GPR158: variants seen among roughly 807,000 people sequenced by gnomAD.
The protein encoded by GPR158 is metabotropic glycine receptor.
Under a neutral mutation model 78.2 loss-of-function variants are expected in GPR158, and 30 were observed. The ratio of observed to expected loss-of-function variants is 0.38; its 90% CI spans 0.29 to 0.52. The LOEUF is 0.52. GPR158 is among the 20% of genes least tolerant of loss of function. The pLI, the probability that GPR158 is intolerant of heterozygous loss-of-function variation, is 0.83. For synonymous variants in GPR158, 581 were observed against 591.1 expected (o/e 0.98, Z 0.25); for missense variants, 1,463 against 1,523.5 (o/e 0.96, Z 0.66).
chr10:25,479,900 T>C lies in GPR158; in HGVS notation c.1404+13181T>C, dbSNP rs539073659. Among the ~76,000 whole-genome samples the C allele has an allele frequency of 2.0e-5, 3 of 152,252 alleles. No homozygotes were observed. In the South Asian group the frequency reaches 6.2e-4, roughly 32 times the overall value. ...ATTTATATATCTTTGTCCTTTCCCA[T>C]TTTATTTTGTGTGGTTTCCTCAAGT... On this transcript the variant is annotated intron_variant, in intron 5 of 10. Coordinates refer to ENST00000376351, the MANE Select transcript of GPR158 (RefSeq NM_020752.3).
chr10:25,241,127 TTCTTTCTTTCTTTCTTTC>T (rs1242121247), intron 2 of GPR158, among the ~76,000 whole-genome samples: 10 of 22,424 alleles, frequency 4.5e-4, no homozygotes, highest in Non-Finnish European at 9.5e-4. Context: ...TACTTTGATT[TTCTTTCTTTCTTTCTTTC>T]TTTCTTTCTT....
chr10:25,452,587 G>A (rs913075023), intron 4 of GPR158, among the ~76,000 whole-genome samples: 4 of 152,104 alleles, frequency 2.6e-5, no homozygotes, highest in Non-Finnish European at 5.9e-5. Flanking sequence ...AATAGATAAA[G>A]GGAAGCAAAT....
intron 5 of GPR158, among the ~76,000 whole-genome samples, chr10:25,469,035 C>T (rs983139656): frequency 1.3e-5 from 2 of 152,106 alleles, no homozygotes; most frequent in East Asian, 1.9e-4. Context: ...GTACGGCTGC[C>T]GGGACATCAG....
rs191728666 is a variant in GPR158, at chr10:25,327,037, G to C, written c.1009-68874G>C. Among the ~76,000 whole-genome samples the C allele has an allele frequency of 3.3e-3, 505 of 152,228 alleles. 3 individuals carry two copies. The highest frequency in any genetic ancestry group is 0.011 in the African/African-American group (466 of 41,530). Reference sequence around the variant, plus strand: ...TGACTTACTGTATTTCTAATTTACAGTGGGTTGATCAGCATGTAACCTCAT... The same window carrying C: ...TGACTTACTGTATTTCTAATTTACACTGGGTTGATCAGCATGTAACCTCAT... On this transcript the variant is annotated intron_variant, in intron 2 of 10. Transcript: ENST00000376351.
intron 5 of GPR158, among the ~76,000 whole-genome samples, chr10:25,478,533 GAA>G (rs1835620455): frequency 6.6e-6 from 1 of 150,720 alleles, no homozygotes; most frequent in Non-Finnish European, 1.5e-5. Context: ...TGTGTAGAGA[GAA>G]GAGAAAGAAA....
intron 2 of GPR158, among the ~76,000 whole-genome samples, chr10:25,346,565 A>G (rs1160052822): frequency 6.6e-6 from 1 of 151,920 alleles, no homozygotes; most frequent in Non-Finnish European, 1.5e-5. Context: ...TATGTTCCTT[A>G]TAGATTTTCT....
At chr10:25,250,380 T>C (rs1250598246) in intron 2 of GPR158, among the ~76,000 whole-genome samples, 2 of 139,398 alleles carry the variant, frequency 1.4e-5, no homozygotes, top group African/African-American at 2.7e-5. Flanking sequence ...GCTCTTGCTT[T>C]TCTAGTTCTT....
At chr10:25,278,668 G>A (rs1311048632) in intron 2 of GPR158, among the ~76,000 whole-genome samples, 1 of 151,664 alleles carries the variant, frequency 6.6e-6, no homozygotes, top group Non-Finnish European at 1.5e-5. Flanking sequence ...AGTAGACTGA[G>A]TGAAAAATAT....
chr10:25,489,867 GA>G (rs1447478128), intron 5 of GPR158, among the ~76,000 whole-genome samples: 54 of 152,170 alleles, frequency 3.5e-4, no homozygotes, highest in African/African-American at 1.2e-3. Flanking sequence ...ATACAAATTA[GA>G]AATATAAATG....
At position 25,452,140 on chromosome 10, in the gene GPR158, C is replaced by T. The variant is rs142469276; in HGVS notation, c.1336-14511C>T. ...GCAGACTCAACCTCCTGGGCTCAAG[C>T]GATCCTCCCACCTCAGCCTTCCTGG... On this transcript the variant is annotated intron_variant, in intron 4 of 10. Coordinates refer to ENST00000376351, the MANE Select transcript of GPR158 (RefSeq NM_020752.3). Among the ~76,000 whole-genome samples the T allele has an allele frequency of 7.3e-3, 1,108 of 152,092 alleles. 13 individuals carry two copies. The highest frequency in any genetic ancestry group is 0.025 in the African/African-American group (1,052 of 41,488).
chr10:25,189,862 GTGTGTGTGTGTA>G (rs1852748760), intron 1 of GPR158, among the ~76,000 whole-genome samples: 1 of 150,440 alleles, frequency 6.6e-6, no homozygotes, highest in Non-Finnish European at 1.5e-5. Flanking sequence ...GTGTGTGTGT[GTGTGTGTGTGTA>G]TGTGTATGTA....
intron 5 of GPR158, among the ~76,000 whole-genome samples, chr10:25,468,869 T>A (rs1835457945): frequency 6.6e-6 from 1 of 152,158 alleles, no homozygotes; most frequent in African/African-American, 2.4e-5. Context: ...AGAGATGAGT[T>A]AATGCAAACA....
At chr10:25,336,557 G>T (rs1278367808) in intron 2 of GPR158, among the ~76,000 whole-genome samples, 1 of 151,988 alleles carries the variant, frequency 6.6e-6, no homozygotes, top group Non-Finnish European at 1.5e-5. Flanking sequence ...TCCATAATTG[G>T]TTTAACCAAG....
intron 5 of GPR158, among the ~76,000 whole-genome samples, chr10:25,516,092 G>T (rs1836168049): frequency 6.6e-6 from 1 of 151,822 alleles, no homozygotes; most frequent in African/African-American, 2.4e-5. Context: ...TCTCATAGTG[G>T]TTTTGATTTG....
intron 10 of GPR158, 101 bp from the exon 11 acceptor site, chr10:25,597,671 A>G (rs566388508): frequency 1.2e-5 from 11 of 915,486 alleles, no homozygotes; most frequent in Non-Finnish European, 1.6e-5. Flanking sequence ...AGTTGCCCCA[A>G]ATTAGAGCCC....
intron 1 of GPR158, among the ~76,000 whole-genome samples, chr10:25,212,462 T>C (rs553475423): frequency 9.9e-5 from 15 of 151,960 alleles, no homozygotes; most frequent in East Asian, 1.9e-4. Context: ...ACCTCCAACA[T>C]TGGGGATTAC....
chr10:25,561,976 T>G (rs1836866651), intron 6 of GPR158, among the ~76,000 whole-genome samples: 1 of 151,020 alleles, frequency 6.6e-6, no homozygotes, highest in Non-Finnish European at 1.5e-5. Context: ...GAAGATACCC[T>G]GGGGCTATAA....
chr10:25,394,841 A>G (rs2130527242), intron 2 of GPR158, among the ~76,000 whole-genome samples: 1 of 152,268 alleles, frequency 6.6e-6, no homozygotes, highest in East Asian at 1.9e-4. Context: ...TCCTAATGCT[A>G]ATCATTTAAG....
chr10:25,290,157 A>T (rs1346472674), intron 2 of GPR158, among the ~76,000 whole-genome samples: 1 of 152,224 alleles, frequency 6.6e-6, no homozygotes, highest in Non-Finnish European at 1.5e-5. Flanking sequence ...AGGCAGGCCA[A>T]GAGATAGGAA....
Sources: allele counts gnomAD v4.1 joint callset (sites outside exome capture counted in the v4.1 genomes callset), GRCh38; gene constraint gnomAD v4.1.1; transcripts MANE v1.5; gene names NCBI Gene and HGNC (gene_info 2026-07-23, HGNC 2026-07-21).